DPP10: variants seen among roughly 807,000 people sequenced by gnomAD.
DPP10 encodes the protein inactive dipeptidyl peptidase 10.
DPP10 carries 33 observed loss-of-function variants against 120.9 expected under a neutral mutation model. That is an observed-to-expected ratio of 0.27 (90% CI 0.21 to 0.37). The LOEUF is 0.37. Among genes scored for constraint, DPP10 ranks in the 10% least tolerant of loss-of-function variants. The pLI, the probability that DPP10 is intolerant of heterozygous loss-of-function variation, is 1.00. For synonymous variants in DPP10, 337 were observed against 326.1 expected, an observed-to-expected ratio of 1.03 and a Z score of -0.36; for missense variants, 816 against 942.8, an observed-to-expected ratio of 0.87 and a Z score of 1.76.
At chr2:114,637,047 T>C (rs1695354643) in intron 1 of DPP10, among the ~76,000 whole-genome samples, 1 of 151,976 alleles carries the variant, frequency 6.6e-6, no homozygotes, top group African/African-American at 2.4e-5. Context: ...TTCTTTGGAT[T>C]TTATTATTTA....
At chr2:115,052,649 G>A (rs1705589713) in intron 1 of DPP10, among the ~76,000 whole-genome samples, 1 of 152,064 alleles carries the variant, frequency 6.6e-6, no homozygotes, top group Non-Finnish European at 1.5e-5. Context: ...CCACTAGAAT[G>A]GCTAAGAAAA....
At chr2:115,309,485 G>C (rs2061494382) in intron 2 of DPP10, 132 bp downstream of exon 2, 3 of 733,254 alleles carry the variant, frequency 4.1e-6, no homozygotes, top group Non-Finnish European at 6.4e-6. Flanking sequence ...TGGAAAAAAA[G>C]CATAATCAGA....
At chr2:114,781,652 A>T (rs1472990201) in intron 1 of DPP10, among the ~76,000 whole-genome samples, 1 of 152,064 alleles carries the variant, frequency 6.6e-6, no homozygotes, top group Non-Finnish European at 1.5e-5. Flanking sequence ...AACAGCCTAC[A>T]TATGTGGGAA....
intron 1 of DPP10, among the ~76,000 whole-genome samples, chr2:115,204,707 T>C (rs1236543278): frequency 6.6e-6 from 1 of 152,154 alleles, no homozygotes; most frequent in Non-Finnish European, 1.5e-5. Context: ...GTTTCATCTG[T>C]CTGCCTGTTC....
intron 2 of DPP10, among the ~76,000 whole-genome samples, chr2:115,326,529 C>G (rs890027608): frequency 3.9e-5 from 6 of 152,058 alleles, no homozygotes; most frequent in African/African-American, 1.4e-4. Context: ...AATAGCCTCA[C>G]GAATGTTCTT....
At chr2:114,540,813 C>A (rs1017780092) in intron 1 of DPP10, among the ~76,000 whole-genome samples, 1 of 152,166 alleles carries the variant, frequency 6.6e-6, no homozygotes, top group East Asian at 1.9e-4. Context: ...TCTGCTTATA[C>A]GCCTCCTGCT....
chr2:115,588,916 T>A (rs193160864), intron 5 of DPP10, among the ~76,000 whole-genome samples: 118 of 152,314 alleles, frequency 7.7e-4, no homozygotes, highest in Non-Finnish European at 1.5e-3. Context: ...ACCATAAGAA[T>A]GGCTCAGACT....
intron 13 of DPP10, among the ~76,000 whole-genome samples, chr2:115,776,862 GTTT>G (rs5833636): frequency 2.0e-5 from 3 of 149,486 alleles, no homozygotes; most frequent in Non-Finnish European, 3.0e-5. Context: ...GTTCTAAAAT[GTTT>G]TTTTTTTTTA....
At chr2:114,558,396 C>T (rs1026387186) in intron 1 of DPP10, among the ~76,000 whole-genome samples, 1 of 152,216 alleles carries the variant, frequency 6.6e-6, no homozygotes, top group Non-Finnish European at 1.5e-5. Flanking sequence ...TTTCTGCTCT[C>T]TCTACTACAA....
chr2:115,471,778 T>TTTGTTG (rs57533300), intron 3 of DPP10, among the ~76,000 whole-genome samples: 41,079 of 149,498 alleles, frequency 0.27, 6,427 homozygotes, highest in East Asian at 0.42. Context: ...TCTGTTTTTG[T>TTTGTTG]TTGTTGTTGT....
In DPP10 at chr2:115,836,142, A is replaced by AT. The variant is rs67145089; in HGVS notation, c.1951-10dup. The AT allele has an allele frequency of 4.8e-6, 6 of 1,255,308 alleles. No homozygotes were observed. The highest frequency in any genetic ancestry group is 3.4e-5 in the African/African-American group (2 of 58,742). The allele number at this position is 1,255,308 out of a possible 1,614,324, so 77.8% of individuals were successfully genotyped here. On this transcript the variant is annotated splice_polypyrimidine_tract_variant and intron_variant, in intron 21 of 25. Coordinates refer to ENST00000410059, the MANE Select transcript of DPP10 (RefSeq NM_020868.6). ...GAGATATATATATATATATATATAT[A>AT]TTTTTCCCCCCCAGGGTTATGGTGG...
chr2:115,450,661 A>G (rs1220525532), intron 3 of DPP10, among the ~76,000 whole-genome samples: 1 of 151,928 alleles, frequency 6.6e-6, no homozygotes, highest in Non-Finnish European at 1.5e-5. Context: ...AATATGGCAT[A>G]TCCTTGTTCT....
chr2:115,260,633 A>G (rs911578521), intron 1 of DPP10, among the ~76,000 whole-genome samples: 1 of 152,214 alleles, frequency 6.6e-6, no homozygotes, highest in African/African-American at 2.4e-5. Flanking sequence ...AGAAAACTGG[A>G]CCACAAAAGT....
chr2:114,851,049 C>T (rs939155465), intron 1 of DPP10, among the ~76,000 whole-genome samples: 1 of 152,052 alleles, frequency 6.6e-6, no homozygotes, highest in Non-Finnish European at 1.5e-5. Flanking sequence ...TTTTACATAA[C>T]TGCTTCATTT....
At chr2:114,767,706 C>T (rs188321870) in intron 1 of DPP10, among the ~76,000 whole-genome samples, 59 of 152,186 alleles carry the variant, frequency 3.9e-4, no homozygotes, top group Admixed American at 7.9e-4. Context: ...TGGGAGTAGG[C>T]CTAGACATAA....
At chr2:115,395,213 C>T (rs78612024) in intron 3 of DPP10, among the ~76,000 whole-genome samples, 2,002 of 152,300 alleles carry the variant, frequency 0.013, 25 homozygotes, top group Non-Finnish European at 0.022. Context: ...CTTGCAGACC[C>T]CCACTCTTCT....
At chr2:114,524,833 G>T (rs956104233) in intron 1 of DPP10, among the ~76,000 whole-genome samples, 1 of 152,162 alleles carries the variant, frequency 6.6e-6, no homozygotes, top group East Asian at 1.9e-4. Flanking sequence ...TTGTTTCTCA[G>T]TTTGCCCAGT....
chr2:115,325,266 T>C (rs1405995220), intron 2 of DPP10, among the ~76,000 whole-genome samples: 1 of 152,136 alleles, frequency 6.6e-6, no homozygotes, highest in Non-Finnish European at 1.5e-5. Flanking sequence ...TATGCTTGTA[T>C]TGACCAGTGA....
At position 115,499,545 on chromosome 2, in the gene DPP10, G is replaced by A. The variant is rs761571881; in HGVS notation, c.307G>A (p.Val103Ile). 1.2e-6 allele frequency: 2 copies of A among 1,611,744 alleles called. No homozygotes were observed. The change falls in exon 4 of 26, where the codon GTC becomes ATC. Residue 103 changes from valine (V) to isoleucine (I), a missense_variant. Val to Ile is a conservative substitution (Grantham distance 29). Transcript: ENST00000410059. ...DVVYKSENGH[V>I]IKLNIETNAT... ...GGTGTATAAAAGCGAGAATGGACAT[G>A]TCATTAAACTGAATATAGAAACAAA...
Sources: gnomAD v4.1 joint callset for allele counts (sites outside exome capture counted in the v4.1 genomes callset) on GRCh38, gnomAD v4.1.1 for gene constraint, MANE v1.5 for transcripts, NCBI Gene and HGNC (gene_info 2026-07-23, HGNC 2026-07-21) for gene names.